Variants in CR2 observed in about 807,000 individuals in gnomAD.
The protein encoded by CR2 is complement C3d receptor 2.
In CR2, 96 loss-of-function variants were observed where a neutral mutation model predicts 123.0. That is an observed-to-expected ratio of 0.78 (90% CI 0.66 to 0.93). CR2 has a LOEUF of 0.93. Ranked by LOEUF, CR2 falls within the 40% of genes least tolerant of loss-of-function variation. CR2 has a pLI of 0.00. For synonymous variants in CR2, 484 were observed against 469.5 expected (o/e 1.03, Z -0.40); for missense variants, 1,258 against 1,361.0 (o/e 0.92, Z 1.19).
intron 18 of CR2, among the ~76,000 whole-genome samples, chr1:207,482,200 CCTT>C (rs1658622520): frequency 6.6e-6 from 1 of 151,846 alleles, no homozygotes; most frequent in Non-Finnish European, 1.5e-5. Flanking sequence ...ATCTTGTTTC[CCTT>C]CTTTAAGCAT....
At chr1:207,459,873 A>G (rs532587547) in intron 1 of CR2, among the ~76,000 whole-genome samples, 34 of 152,280 alleles carry the variant, frequency 2.2e-4, no homozygotes, top group Admixed American at 4.6e-4. Flanking sequence ...GATGTTCCCA[A>G]AGGAAGATAG....
chr1:207,468,785 T>C lies in CR2; in HGVS notation c.635-15T>C. On this transcript the variant is annotated splice_polypyrimidine_tract_variant and intron_variant, in intron 3 of 19. Transcript: ENST00000367057. ...TTATTTGCCATGCATTTCTCATCTT[T>C]GGTTTGTTTTTTAGAGGCACGCTGT... The C allele has an allele frequency of 1.2e-6, 2 of 1,614,018 alleles. No homozygotes were observed. Among genetic ancestry groups the C allele is most frequent in the South Asian group, 1.1e-5 (1 of 91,082 alleles).
chr1:207,466,092 A>C (rs1168790870), intron 1 of CR2, among the ~76,000 whole-genome samples: 1 of 152,246 alleles, frequency 6.6e-6, no homozygotes, highest in African/African-American at 2.4e-5. Flanking sequence ...TGAAGCTTAA[A>C]GAGAGTAAGA....
In CR2 at chr1:207,489,385, A is replaced by C. The variant is rs923396073; in HGVS notation, c.*262A>C. The stretch of plus-strand genomic sequence containing the variant: ...AGATGCCTGAAGCCAGGCCATGGCT[A>C]TAAACAATTACATGGCTCTAAAAAG... On this transcript the variant is annotated 3_prime_UTR_variant, in exon 20 of 20. Coordinates refer to ENST00000367057, the MANE Select transcript of CR2 (RefSeq NM_001006658.3). The C allele has an allele frequency of 1.3e-5, 2 of 152,262 alleles. No individual in the cohort carries two copies. Among genetic ancestry groups the C allele is most frequent in the South Asian group, 2.1e-4 (1 of 4,828 alleles). The allele number at this position is 152,262 out of a possible 1,614,324, so 9.4% of individuals were successfully genotyped here.
At chr1:207,473,743 T>G in intron 11 of CR2, 22 bp downstream of exon 11, 1 of 1,613,970 alleles carries the variant, frequency 6.2e-7, no homozygotes, top group Non-Finnish European at 8.5e-7. Context: ...TCCAGAGTTG[T>G]CCTTCTCTTT....
intron 1 of CR2, among the ~76,000 whole-genome samples, chr1:207,457,556 T>G (rs1374797587): frequency 6.6e-6 from 1 of 152,212 alleles, no homozygotes; most frequent in Non-Finnish European, 1.5e-5. Flanking sequence ...TATCTCCTTC[T>G]CCACTTCAGA....
chr1:207,474,327 A>G lies in CR2; in HGVS notation c.2323+4A>G, dbSNP rs1658373104. The G allele has an allele frequency of 1.9e-6, 3 of 1,601,076 alleles. No individual in the cohort carries two copies. Among genetic ancestry groups the G allele is most frequent in the Non-Finnish European group, 2.6e-6 (3 of 1,168,458 alleles). On this transcript the variant is annotated splice_donor_region_variant and intron_variant, in intron 13 of 19. Transcript: ENST00000367057. The stretch of plus-strand genomic sequence containing the variant: ...AAAAAGATTCCACTTTGTAAAGGTA[A>G]GTTAGAAAAAATAAAAGCCTGACAA...
intron 13 of CR2, 83 bp downstream of exon 13, chr1:207,474,406 T>A: frequency 6.9e-6 from 7 of 1,015,962 alleles, no homozygotes; most frequent in Non-Finnish European, 9.4e-6. Context: ...CTACTGCTGC[T>A]TCAGCAGTCT....
In CR2 at chr1:207,468,257, G is replaced by A. The variant is rs1039310908; in HGVS notation, c.446-270G>A. 42 of 484,132 alleles carry A rather than the reference G, an allele frequency of 8.7e-5. No homozygotes were observed. In the Middle Eastern group the frequency reaches 2.4e-3, roughly 27 times the overall value. The allele number at this position is 484,132 out of a possible 1,614,324, so 30.0% of individuals were successfully genotyped here. On this transcript the variant is annotated intron_variant, in intron 2 of 19. Coordinates refer to ENST00000367057, the MANE Select transcript of CR2 (RefSeq NM_001006658.3). ...CATCTCGATCAAGCTTGTCCAACTCGCTACCCGTGGACAGCATGTGGCCCA... is the reference window on the plus strand; with the variant it reads ...CATCTCGATCAAGCTTGTCCAACTCACTACCCGTGGACAGCATGTGGCCCA...
At chr1:207,456,692 C>T (rs567994446) in intron 1 of CR2, among the ~76,000 whole-genome samples, 2 of 152,320 alleles carry the variant, frequency 1.3e-5, no homozygotes, top group South Asian at 4.1e-4. Flanking sequence ...TAATCGGCTA[C>T]AAACCTACCA....
intron 19 of CR2, among the ~76,000 whole-genome samples, chr1:207,486,709 A>T (rs1341405937): frequency 6.6e-6 from 1 of 152,194 alleles, no homozygotes; most frequent in Non-Finnish European, 1.5e-5. Context: ...CAATTTTAAG[A>T]CAGTGACAGT....
chr1:207,472,674 G>C, intron 9 of CR2, 98 bp from the exon 10 acceptor site: 1 of 1,296,904 alleles, frequency 7.7e-7, no homozygotes, highest in South Asian at 1.2e-5. Context: ...ATACCGTCCA[G>C]GAAACAACAG....
rs1387998072 is a variant in CR2, at chr1:207,466,901, C to A, written c.434C>A (p.Thr145Asn). Reference protein sequence around the residue: ...NNMWGPTRLPTCVSVFPLECP... With the variant: ...NNMWGPTRLPNCVSVFPLECP... ...ATGTGGGGGCCGACACGACTACCAA[C>A]CTGTGTAAGTGGTGAGTATGAAAAG... The change falls in exon 2 of 20, where the codon ACC becomes AAC. Residue 145 changes from threonine to asparagine, a missense_variant. Physicochemically the swap from Thr to Asn is moderately conservative, Grantham distance 65. Transcript: ENST00000367057. 1.9e-6 allele frequency: 3 copies of A among 1,596,710 alleles called. No homozygotes were observed. Among genetic ancestry groups the A allele is most frequent in the South Asian group, 1.1e-5 (1 of 87,936 alleles).
chr1:207,468,577 A>G lies in CR2; in HGVS notation c.496A>G (p.Thr166Ala), dbSNP rs1658170906. 1 of 1,613,990 alleles carries G rather than the reference A, an allele frequency of 6.2e-7. No homozygotes were observed. ...TCCTATGATCCACAATGGACATCAC[A>G]CAAGTGAGAATGTTGGCTCCATTGC... ...ALPMIHNGHH[T>A]SENVGSIAPG... The change falls in exon 3 of 20, where the codon ACA (threonine) becomes GCA (alanine). Residue 166 changes from threonine to alanine, a missense_variant. Coordinates refer to ENST00000367057, the MANE Select transcript of CR2 (RefSeq NM_001006658.3).
At chr1:207,469,024 G>C in intron 4 of CR2, 125 bp downstream of exon 4, 2 of 1,356,534 alleles carry the variant, frequency 1.5e-6, no homozygotes, top group Non-Finnish European at 2.1e-6. Context: ...GGTTGTGAGA[G>C]GTAATGCTGA....
At chr1:207,476,097 GGAAT>G in intron 14 of CR2, 133 bp from the exon 15 acceptor site, 1 of 767,282 alleles carries the variant, frequency 1.3e-6, no homozygotes, top group Non-Finnish European at 2.3e-6. Flanking sequence ...TGGTCTGGGT[GGAAT>G]GAATGAATGT....
chr1:207,456,192 C>G (rs1657829623), intron 1 of CR2, among the ~76,000 whole-genome samples: 1 of 152,210 alleles, frequency 6.6e-6, no homozygotes, highest in African/African-American at 2.4e-5. Flanking sequence ...CTCACACCCC[C>G]TGATTTCTCC....
At chr1:207,474,644 A>G (rs1003620564) in intron 13 of CR2, among the ~76,000 whole-genome samples, 180 bp from the exon 14 acceptor site, 1 of 152,194 alleles carries the variant, frequency 6.6e-6, no homozygotes, top group East Asian at 1.9e-4. Flanking sequence ...AGTATATAGT[A>G]CTCCTATAAT....
chr1:207,472,751 A>G, intron 9 of CR2, 21 bp from the exon 10 acceptor site: 5 of 1,611,680 alleles, frequency 3.1e-6, no homozygotes, highest in Non-Finnish European at 4.2e-6. Flanking sequence ...TCAATTCTAC[A>G]GTATCTTTTC....
Sources: gnomAD v4.1 joint callset for allele counts (sites outside exome capture counted in the v4.1 genomes callset) on GRCh38, gnomAD v4.1.1 for gene constraint, MANE v1.5 for transcripts, NCBI Gene and HGNC (gene_info 2026-07-23, HGNC 2026-07-21) for gene names.